Variants in BMAL2 observed in about 807,000 individuals in gnomAD.
BMAL2 encodes the protein basic helix-loop-helix ARNT like 2.
At chr12:27,401,762 C>G in the BMAL2 span, 1 of 928,722 alleles carries the variant, frequency 1.1e-6, no homozygotes, top group East Asian at 2.7e-5. Flanking sequence ...ACCATTAAAA[C>G]TGTGTGATCC....
chr12:27,348,270 T>G, the BMAL2 span, among the ~76,000 whole-genome samples: 6 of 152,310 alleles, frequency 3.9e-5, no homozygotes, highest in East Asian at 1.9e-4. Context: ...CTGTTCTCTC[T>G]TTGGCTTTTT....
At chr12:27,377,014 A>C in the BMAL2 span, among the ~76,000 whole-genome samples, 10 of 151,058 alleles carry the variant, frequency 6.6e-5, no homozygotes, top group Non-Finnish European at 4.4e-5. Flanking sequence ...AAAAAAAAAA[A>C]AAAAAAAAAA....
At chr12:27,408,588 A>G in the BMAL2 span, among the ~76,000 whole-genome samples, 5 of 152,198 alleles carry the variant, frequency 3.3e-5, no homozygotes, top group Admixed American at 6.5e-5. Flanking sequence ...TTGATGGGAC[A>G]TATCTCAAAA....
chr12:27,391,621 T>C, the BMAL2 span, among the ~76,000 whole-genome samples: 6 of 152,222 alleles, frequency 3.9e-5, no homozygotes, highest in Admixed American at 1.3e-4. Flanking sequence ...CTAAACTGCT[T>C]TCCATAGTGG....
the BMAL2 span, chr12:27,390,257 C>A: frequency 6.2e-7 from 1 of 1,609,864 alleles, no homozygotes; most frequent in African/African-American, 1.3e-5. Context: ...TTTGAAATGT[C>A]AAGTGATGCA....
the BMAL2 span, among the ~76,000 whole-genome samples, chr12:27,406,125 C>T: frequency 1.3e-5 from 2 of 152,174 alleles, no homozygotes; most frequent in African/African-American, 4.8e-5. Context: ...GATTGGTGTA[C>T]CTGAAAGTGA....
At chr12:27,350,084 T>C in the BMAL2 span, among the ~76,000 whole-genome samples, 3 of 152,240 alleles carry the variant, frequency 2.0e-5, no homozygotes, top group Non-Finnish European at 2.9e-5. Context: ...TGGTATAGGT[T>C]GTCAAAGTCT....
At chr12:27,375,185 CAGA>C in the BMAL2 span, among the ~76,000 whole-genome samples, 13 of 152,140 alleles carry the variant, frequency 8.5e-5, 1 homozygote, top group South Asian at 1.0e-3. Flanking sequence ...TAAGATGAAT[CAGA>C]AGCTTTAAAA....
chr12:27,333,718 C>G, the BMAL2 span, among the ~76,000 whole-genome samples: 1 of 152,224 alleles, frequency 6.6e-6, no homozygotes, highest in African/African-American at 2.4e-5. Context: ...CCTCCATAAG[C>G]GACAGGCGGC....
chr12:27,346,145 T>C, the BMAL2 span, among the ~76,000 whole-genome samples: 1 of 152,230 alleles, frequency 6.6e-6, no homozygotes, highest in African/African-American at 2.4e-5. Flanking sequence ...ATCCAACTCA[T>C]ACTAATTTCC....
chr12:27,351,863 G>A, the BMAL2 span, among the ~76,000 whole-genome samples: 1 of 152,102 alleles, frequency 6.6e-6, no homozygotes, highest in African/African-American at 2.4e-5. Context: ...TGATTGGTTG[G>A]CCCTACTTTA....
At chr12:27,364,851 A>G in the BMAL2 span, among the ~76,000 whole-genome samples, 1 of 152,128 alleles carries the variant, frequency 6.6e-6, no homozygotes, top group Non-Finnish European at 1.5e-5. Flanking sequence ...AAGACCTTAT[A>G]CATTTATTAG....
the BMAL2 span, among the ~76,000 whole-genome samples, chr12:27,354,935 A>C: frequency 6.6e-6 from 1 of 152,166 alleles, no homozygotes; most frequent in Admixed American, 6.5e-5. Context: ...GCCAAAAATA[A>C]GATGTTTTTA....
the BMAL2 span, among the ~76,000 whole-genome samples, chr12:27,416,108 T>G: frequency 6.6e-6 from 1 of 152,186 alleles, no homozygotes; most frequent in African/African-American, 2.4e-5. Context: ...GAATAGTAGT[T>G]AAGAATGAAG....
chr12:27,403,750 A>G, the BMAL2 span, among the ~76,000 whole-genome samples: 1 of 152,174 alleles, frequency 6.6e-6, no homozygotes, highest in Non-Finnish European at 1.5e-5. Flanking sequence ...TCACAAAGAT[A>G]TATAAAAAGA....
chr12:27,386,780 C>T, the BMAL2 span, among the ~76,000 whole-genome samples: 1 of 152,234 alleles, frequency 6.6e-6, no homozygotes, highest in East Asian at 1.9e-4. Flanking sequence ...GAGGCGTGCA[C>T]CACCATGCCC....
chr12:27,380,354 A>G, the BMAL2 span: 9 of 1,614,204 alleles, frequency 5.6e-6, no homozygotes, highest in Non-Finnish European at 7.6e-6. Flanking sequence ...CGTAAACTGG[A>G]CAAACTTACA....
the BMAL2 span, chr12:27,333,142 C>A: frequency 2.5e-6 from 3 of 1,202,868 alleles, no homozygotes; most frequent in Non-Finnish European, 2.1e-6. Context: ...CCCAGGTGGG[C>A]GCGCGGCGTC....
chr12:27,404,791 A>C, the BMAL2 span, among the ~76,000 whole-genome samples: 6 of 152,202 alleles, frequency 3.9e-5, no homozygotes, highest in African/African-American at 1.4e-4. Flanking sequence ...CGTGAGCCGA[A>C]GCAGGGTGAG....
Sources: gnomAD v4.1 joint callset for allele counts (sites outside exome capture counted in the v4.1 genomes callset) on GRCh38, gnomAD v4.1.1 for gene constraint, MANE v1.5 for transcripts, NCBI Gene and HGNC (gene_info 2026-07-23, HGNC 2026-07-21) for gene names.